Variants in BTBD9 observed in about 807,000 individuals in gnomAD.
BTBD9 encodes the protein BTB domain containing 9.
In BTBD9, 49 loss-of-function variants were observed where a neutral mutation model predicts 64.3. The ratio of observed to expected loss-of-function variants is 0.76; its 90% CI spans 0.61 to 0.97. The LOEUF (loss-of-function observed/expected upper bound fraction) is 0.97. Ranked by LOEUF, BTBD9 falls within the 50% of genes least tolerant of loss-of-function variation. The pLI is 0.00. For synonymous variants in BTBD9, 260 were observed against 274.7 expected, an observed-to-expected ratio of 0.95 and a Z score of 0.53; for missense variants, 598 against 762.1, an observed-to-expected ratio of 0.78 and a Z score of 2.53.
intron 8 of BTBD9, among the ~76,000 whole-genome samples, chr6:38,279,842 C>G (rs9296243): frequency 0.058 from 8,903 of 152,194 alleles, 779 homozygotes; most frequent in East Asian, 0.41. Flanking sequence ...GGCCGAAATC[C>G]TCTGTAAAAA....
chr6:38,409,914 C>G (rs1767335465), intron 6 of BTBD9, among the ~76,000 whole-genome samples: 1 of 151,916 alleles, frequency 6.6e-6, no homozygotes, highest in South Asian at 2.1e-4. Context: ...AGTATAAAAC[C>G]AAAAACAAGG....
At chr6:38,545,855 T>TAAAC (rs1554168080) in intron 6 of BTBD9, among the ~76,000 whole-genome samples, 1 of 130,594 alleles carries the variant, frequency 7.7e-6, no homozygotes, top group East Asian at 2.4e-4. Context: ...CACACACACA[T>TAAAC]ACACACACAC....
intron 6 of BTBD9, among the ~76,000 whole-genome samples, chr6:38,481,530 C>G (rs72852695): frequency 1.3e-5 from 2 of 152,134 alleles, no homozygotes; most frequent in African/African-American, 4.8e-5. Flanking sequence ...GCTCTGCTCA[C>G]GACCTCTTTT....
chr6:38,432,050 G>T (rs1469887143), intron 6 of BTBD9, among the ~76,000 whole-genome samples: 3 of 151,924 alleles, frequency 2.0e-5, no homozygotes, highest in Non-Finnish European at 4.4e-5. Flanking sequence ...AATTCTGGTG[G>T]AAGTAAGTGA....
chr6:38,425,921 A>AACACAT (rs1554150439), intron 6 of BTBD9, among the ~76,000 whole-genome samples: 1 of 102,258 alleles, frequency 9.8e-6, no homozygotes, highest in Non-Finnish European at 2.1e-5. Context: ...TATCTCAAGA[A>AACACAT]ACACATACAC....
rs541959607 is a variant in BTBD9, at chr6:38,495,431, T to A, written c.1154+82169A>T. Among the ~76,000 whole-genome samples the A allele has an allele frequency of 5.3e-5, 8 of 152,334 alleles. 1 individual carries two copies. In the South Asian group the frequency reaches 1.0e-3, roughly 20 times the overall value. On this transcript the variant is annotated intron_variant, in intron 6 of 10. Coordinates refer to ENST00000481247, the MANE Select transcript of BTBD9 (RefSeq NM_001099272.2). ...GAGGACTGGAACCAGAGTTAGCAGG[T>A]ATGGAGTCACATGGGTGAATCAATA...
chr6:38,253,653 G>GA (rs1764475248), intron 9 of BTBD9, among the ~76,000 whole-genome samples: 1 of 152,232 alleles, frequency 6.6e-6, no homozygotes, highest in Non-Finnish European at 1.5e-5. Context: ...AAGCTTTGAG[G>GA]AAGTACAAGG....
In BTBD9 at chr6:38,602,187, T is replaced by C. The variant is rs368161568; in HGVS notation, c.-27-4066A>G. On this transcript the variant is annotated intron_variant, in intron 1 of 10. Coordinates refer to ENST00000481247, the MANE Select transcript of BTBD9 (RefSeq NM_001099272.2). ...TCAATTAAATGGGGGAAAATAAGGA[T>C]TTTTTTCAATAAAAGGTATTGGCTA... is the stretch of plus-strand genomic sequence containing the variant. 1.1e-4 allele frequency among the ~76,000 whole-genome samples: 16 copies of C among 152,196 alleles called. No homozygotes were observed. In the East Asian group the frequency reaches 2.9e-3, roughly 28 times the overall value.
At chr6:38,223,873 T>A (rs1257697960) in intron 9 of BTBD9, among the ~76,000 whole-genome samples, 3 of 152,158 alleles carry the variant, frequency 2.0e-5, no homozygotes, top group Non-Finnish European at 4.4e-5. Flanking sequence ...TGTTCTAGGT[T>A]TACTTCTTTC....
chr6:38,409,370 G>A (rs986066998), intron 6 of BTBD9, among the ~76,000 whole-genome samples: 1 of 152,188 alleles, frequency 6.6e-6, no homozygotes, highest in Non-Finnish European at 1.5e-5. Context: ...GGCTTAATAA[G>A]TGTTCATTAG....
At chr6:38,287,106 AT>A (rs1209649454) in intron 8 of BTBD9, among the ~76,000 whole-genome samples, 70 of 114,122 alleles carry the variant, frequency 6.1e-4, no homozygotes, top group African/African-American at 1.5e-3. Context: ...AAAAAAAAAA[AT>A]ATACACACAC....
intron 6 of BTBD9, among the ~76,000 whole-genome samples, chr6:38,497,611 G>C (rs896074385): frequency 1.3e-5 from 2 of 152,142 alleles, no homozygotes; most frequent in African/African-American, 2.4e-5. Flanking sequence ...GGAAAGGAGA[G>C]AGCAGAAAAG....
At chr6:38,478,333 A>G (rs935841906) in intron 6 of BTBD9, among the ~76,000 whole-genome samples, 3 of 152,164 alleles carry the variant, frequency 2.0e-5, no homozygotes, top group Non-Finnish European at 2.9e-5. Context: ...ATATTAGCTT[A>G]CTCATATATA....
At chr6:38,363,615 T>C (rs989371530) in intron 6 of BTBD9, among the ~76,000 whole-genome samples, 8 of 152,178 alleles carry the variant, frequency 5.3e-5, no homozygotes, top group Admixed American at 3.9e-4. Flanking sequence ...AGCTTGCATG[T>C]AATACACTCC....
chr6:38,573,495 C>T (rs907237648), intron 6 of BTBD9, among the ~76,000 whole-genome samples: 3 of 152,220 alleles, frequency 2.0e-5, no homozygotes, highest in Non-Finnish European at 1.5e-5. Flanking sequence ...CAGTAAACAA[C>T]GCTCCTAATC....
At position 38,171,922 on chromosome 6, in the gene BTBD9, G is replaced by C. The variant is rs537681680; in HGVS notation, c.*3063C>G. ...ATAATAATAATAATGAAAAGTGAAGGGTGGGGGTGCTGGCCACCTCCCATT... is the reference window on the plus strand; with the variant it reads ...ATAATAATAATAATGAAAAGTGAAGCGTGGGGGTGCTGGCCACCTCCCATT... On this transcript the variant is annotated 3_prime_UTR_variant, in exon 11 of 11. Coordinates refer to ENST00000481247, the MANE Select transcript of BTBD9 (RefSeq NM_001099272.2). The C allele has an allele frequency of 8.2e-5, 12 of 146,638 alleles. 1 individual carries two copies. In the South Asian group the frequency reaches 2.6e-3, roughly 32 times the overall value. The allele number at this position is 146,638 out of a possible 1,614,324, so 9.1% of individuals were successfully genotyped here. A position where few individuals can be genotyped will look rare whatever the true frequency, so the allele number is the denominator to read the frequency against.
At chr6:38,452,883 G>A (rs369799341) in intron 6 of BTBD9, among the ~76,000 whole-genome samples, 8 of 152,096 alleles carry the variant, frequency 5.3e-5, no homozygotes, top group African/African-American at 9.6e-5. Flanking sequence ...AATGTGATAC[G>A]GAAACTGAGG....
intron 6 of BTBD9, among the ~76,000 whole-genome samples, chr6:38,434,179 C>G (rs1768595626): frequency 6.6e-6 from 1 of 151,978 alleles, no homozygotes; most frequent in Admixed American, 6.5e-5. Context: ...AAATTTGCAT[C>G]TGTAAAGAAT....
At chr6:38,452,383 T>C (rs1769595388) in intron 6 of BTBD9, among the ~76,000 whole-genome samples, 1 of 152,074 alleles carries the variant, frequency 6.6e-6, no homozygotes, top group African/African-American at 2.4e-5. Flanking sequence ...TCAATTACTA[T>C]TGCAATCATT....
Sources: gnomAD v4.1 joint callset for allele counts (sites outside exome capture counted in the v4.1 genomes callset) on GRCh38, gnomAD v4.1.1 for gene constraint, MANE v1.5 for transcripts, NCBI Gene and HGNC (gene_info 2026-07-23, HGNC 2026-07-21) for gene names.